Variants in DCP1B observed in about 807,000 individuals in gnomAD.
DCP1B encodes mRNA-decapping enzyme 1B.
DCP1B carries 47 observed loss-of-function variants against 60.5 expected under a neutral mutation model. The ratio of observed to expected loss-of-function variants is 0.78; its 90% confidence interval spans 0.61 to 0.99. DCP1B has a LOEUF of 0.99. Ranked by LOEUF, DCP1B falls within the 50% of genes least tolerant of loss-of-function variation. DCP1B has a pLI of 0.00. For missense variants in DCP1B, 725 were observed against 756.8 expected (o/e 0.96, Z 0.49); for synonymous variants, 267 against 280.3 (o/e 0.95, Z 0.47).
Position 1,949,242 on chromosome 12 carries a change from C to T in DCP1B, c.1617G>A (p.Lys539=). 6.2e-7 allele frequency: 1 copy of T among 1,614,168 alleles called. No homozygotes were observed. Among genetic ancestry groups the T allele is most frequent in the Non-Finnish European group, 8.5e-7 (1 of 1,180,034 alleles). The change falls in exon 8 of 9, where the codon AAG becomes AAA. Residue 539 remains lysine (K), a synonymous_variant. Coordinates refer to ENST00000280665, the MANE Select transcript of DCP1B (RefSeq NM_152640.5). ...CAGGCAAGAGGCCGCTCTCCCTTTC[C>T]TTTGGCGGGACGGAGGTGGGTTGTG... ...VFAQPTSVPP[K]ERESGLLPVG...
intron 1 of DCP1B, among the ~76,000 whole-genome samples, chr12:2,003,432 T>C (rs2042643674): frequency 6.6e-6 from 1 of 152,232 alleles, no homozygotes; most frequent in African/African-American, 2.4e-5. Flanking sequence ...GGATGATGAA[T>C]ATTATTTGGA....
At chr12:1,984,038 T>C (rs2036926879) in intron 3 of DCP1B, among the ~76,000 whole-genome samples, 1 of 152,102 alleles carries the variant, frequency 6.6e-6, no homozygotes, top group Admixed American at 6.5e-5. Context: ...CTGATGTTAA[T>C]CTAGACACCC....
rs540978022 is a variant in DCP1B, at chr12:1,994,980, G to C, written c.192-1589C>G. On this transcript the variant is annotated intron_variant, in intron 2 of 8. Transcript: ENST00000280665. ...CTGAAGAAAGCCTTCAACATTCTAG[G>C]ATCTGGGAGGTTTTTGTTTTGCAGG... Among the ~76,000 whole-genome samples, 6 of 143,678 alleles carry C rather than the reference G, an allele frequency of 4.2e-5. 1 individual carries two copies. Among genetic ancestry groups the C allele is most frequent in the African/African-American group, 1.6e-4 (6 of 38,446 alleles). The allele number at this position is 143,678 out of a possible 152,430, so 94.3% of individuals were successfully genotyped here. A position where few individuals can be genotyped will look rare whatever the true frequency, so the allele number is the denominator to read the frequency against.
chr12:1,990,322 CTTACTT>C (rs1208919307), intron 3 of DCP1B, among the ~76,000 whole-genome samples: 1 of 152,150 alleles, frequency 6.6e-6, no homozygotes, highest in Non-Finnish European at 1.5e-5. Flanking sequence ...AGCTATCTTA[CTTACTT>C]TTAAAGTTCA....
chr12:1,969,225 A>G (rs984007116), intron 3 of DCP1B, among the ~76,000 whole-genome samples: 2 of 152,196 alleles, frequency 1.3e-5, no homozygotes, highest in Non-Finnish European at 2.9e-5. Context: ...TTACCTGACC[A>G]ATGTCTGGGC....
Position 1,955,428 on chromosome 12 carries a change from G to C in DCP1B, c.651+4C>G, listed in dbSNP as rs200598085. 6.2e-7 allele frequency: 1 copy of C among 1,611,996 alleles called. No individual in the cohort carries two copies. The highest frequency in any genetic ancestry group is 1.3e-5 in the African/African-American group (1 of 74,832). ...CTGAATATGACAAGCAGAGAACTCC[G>C]TACCTGGTTGGGCTGAGGTATACGC... On this transcript the variant is annotated splice_donor_region_variant and intron_variant, in intron 6 of 8. Coordinates refer to ENST00000280665, the MANE Select transcript of DCP1B (RefSeq NM_152640.5).
chr12:1,949,226 G>C lies in DCP1B; in HGVS notation c.1633C>G (p.Leu545Val). The change falls in exon 8 of 9, where the codon CTC (leucine) becomes GTC (valine). Residue 545 changes from leucine to valine, a missense_variant. Leu to Val is a conservative substitution (Grantham distance 32). Transcript: ENST00000280665. ...GGCTCCTGGCCTCCCACAGGCAAGAGGCCGCTCTCCCTTTCCTTTGGCGGG... is the reference window on the plus strand; with the variant it reads ...GGCTCCTGGCCTCCCACAGGCAAGACGCCGCTCTCCCTTTCCTTTGGCGGG... ...SVPPKERESG[L>V]LPVGGQEPPA... The C allele has an allele frequency of 6.2e-7, 1 of 1,614,182 alleles. No individual in the cohort carries two copies.
At chr12:1,946,308 C>G (rs2030420427) in intron 8 of DCP1B, 22 bp from the exon 9 acceptor site, 1 of 1,576,008 alleles carries the variant, frequency 6.3e-7, no homozygotes, top group Non-Finnish European at 8.6e-7. Flanking sequence ...ATCGAAAGAC[C>G]CAAGAGAATG....
At chr12:1,982,406 A>C (rs1725557357) in intron 3 of DCP1B, among the ~76,000 whole-genome samples, 1 of 152,026 alleles carries the variant, frequency 6.6e-6, no homozygotes, top group African/African-American at 2.4e-5. Flanking sequence ...CCTGAAAACC[A>C]CTATTTTACT....
chr12:1,949,474 C>A, intron 7 of DCP1B, 140 bp from the exon 8 acceptor site: 1 of 1,162,500 alleles, frequency 8.6e-7, no homozygotes, highest in South Asian at 1.5e-5. Flanking sequence ...GAAACTGATT[C>A]TTGCTCCACT....
intron 3 of DCP1B, chr12:1,991,585 T>C (rs904163096): frequency 8.4e-6 from 2 of 238,126 alleles, no homozygotes; most frequent in African/African-American, 4.7e-5. Context: ...TTGGTGCCTG[T>C]TGGACACTCA....
chr12:1,978,522 C>T (rs2035107422), intron 3 of DCP1B, among the ~76,000 whole-genome samples: 1 of 152,148 alleles, frequency 6.6e-6, no homozygotes, highest in Admixed American at 6.5e-5. Context: ...ATTATTTCTA[C>T]TTTCTTACAT....
At chr12:1,984,778 TAAAAAAAAAAA>T (rs764705302) in intron 3 of DCP1B, among the ~76,000 whole-genome samples, 1 of 81,346 alleles carries the variant, frequency 1.2e-5, no homozygotes, top group Non-Finnish European at 2.3e-5. Context: ...GGTCTTCTGG[TAAAAAAAAAAA>T]AAAAAAAAAA....
chr12:1,952,531 C>T lies in DCP1B; in HGVS notation c.1409G>A (p.Arg470Gln), dbSNP rs780358996. Residue 470 changes from arginine to glutamine, a missense_variant, in exon 7 of 9, where the codon CGG (arginine) becomes CAG (glutamine). Physicochemically the swap from Arg to Gln is conservative, Grantham distance 43. Coordinates refer to ENST00000280665, the MANE Select transcript of DCP1B (RefSeq NM_152640.5). ...QQEQQLHASN[R>Q]PALAAKFPVL... ...AGGAAACTTAGCGGCCAAGGCTGGC[C>T]GGTTAGAGGCATGCAGCTGCTGCTC... The T allele has an allele frequency of 9.7e-5, 156 of 1,613,996 alleles. No individual in the cohort carries two copies. Among genetic ancestry groups the T allele is most frequent in the Non-Finnish European group, 1.1e-4 (132 of 1,180,022 alleles).
chr12:1,968,939 T>C (rs887819624), intron 3 of DCP1B, among the ~76,000 whole-genome samples: 8 of 152,208 alleles, frequency 5.3e-5, no homozygotes, highest in Non-Finnish European at 1.0e-4. Flanking sequence ...ATCATTTTTA[T>C]AGCAAAGGCT....
chr12:1,959,136 ACCT>A (rs1417938967), intron 5 of DCP1B, among the ~76,000 whole-genome samples: 1 of 151,752 alleles, frequency 6.6e-6, no homozygotes, highest in Non-Finnish European at 1.5e-5. Context: ...TTTTCTATAA[ACCT>A]CCTGGAAGGA....
rs151133254 is a variant in DCP1B at position 1,958,223 on chromosome 12, T to C, written c.523-2663A>G. Among the ~76,000 whole-genome samples, 91 of 149,062 alleles carry C rather than the reference T, an allele frequency of 6.1e-4. No homozygotes were observed. The East Asian group carries it at 0.017, about 27-fold the overall frequency. On this transcript the variant is annotated intron_variant, in intron 5 of 8. Coordinates refer to ENST00000280665, the MANE Select transcript of DCP1B (RefSeq NM_152640.5). ...TTGCTCTGGGCAATGACTTTTTCTA[T>C]AAACCTCCTGGAAGGAAACAGGGGA...
chr12:1,953,137 T>C lies in DCP1B; in HGVS notation c.803A>G (p.Gln268Arg). The change falls in exon 7 of 9, where the codon CAG becomes CGG. Residue 268 changes from glutamine (Q) to arginine (R), a missense_variant. Gln to Arg is a conservative substitution (Grantham distance 43). Coordinates refer to ENST00000280665, the MANE Select transcript of DCP1B (RefSeq NM_152640.5). ...QQQQEKLPIR[Q>R]GVVRSLSYEE... ...ATAGGACAGGGAGCGTACAACCCCC[T>C]GCCTAATTGGAAGCTTCTCTTGCTG... The C allele has an allele frequency of 1.2e-6, 2 of 1,611,918 alleles. No homozygotes were observed. The highest frequency in any genetic ancestry group is 2.2e-5 in the South Asian group (2 of 91,030).
intron 2 of DCP1B, among the ~76,000 whole-genome samples, chr12:1,997,541 T>C (rs2041234694): frequency 6.6e-6 from 1 of 152,052 alleles, no homozygotes; most frequent in Non-Finnish European, 1.5e-5. Flanking sequence ...AAAAGAAAAA[T>C]GATCAATGAA....
Sources: allele counts gnomAD v4.1 joint callset (sites outside exome capture counted in the v4.1 genomes callset), GRCh38; gene constraint gnomAD v4.1.1; transcripts MANE v1.5; gene names NCBI Gene and HGNC (gene_info 2026-07-23, HGNC 2026-07-21).